FNDC3A: variants seen among roughly 807,000 people sequenced by gnomAD.
The protein encoded by FNDC3A is fibronectin type-III domain-containing protein 3A.
FNDC3A carries 32 observed loss-of-function variants against 148.9 expected under a neutral mutation model. The ratio of observed to expected loss-of-function variants is 0.21; its 90% confidence interval spans 0.16 to 0.29. The LOEUF (loss-of-function observed/expected upper bound fraction) is 0.29. FNDC3A is among the 10% of genes least tolerant of loss of function. The probability of loss-of-function intolerance (pLI) is 1.00; values close to 1 mark genes in which losing one functional copy is unlikely to be tolerated. For synonymous variants in FNDC3A, 472 were observed against 473.6 expected, an observed-to-expected ratio of 1.00 and a Z score of 0.04; for missense variants, 1,191 against 1,452.8, an observed-to-expected ratio of 0.82 and a Z score of 2.93.
chr13:49,160,431 G>A (rs1884024351), intron 8 of FNDC3A, among the ~76,000 whole-genome samples: 1 of 152,086 alleles, frequency 6.6e-6, no homozygotes, highest in Non-Finnish European at 1.5e-5. Context: ...ATTCTCTGAT[G>A]GTAGTTTGTA....
intron 14 of FNDC3A, among the ~76,000 whole-genome samples, chr13:49,183,974 G>A (rs1175472469): frequency 2.6e-5 from 4 of 152,242 alleles, no homozygotes; most frequent in Non-Finnish European, 5.9e-5. Context: ...GATGAGGGGA[G>A]TGGACAATAA....
chr13:49,153,872 A>C (rs1347661337), intron 8 of FNDC3A, among the ~76,000 whole-genome samples: 1 of 118,914 alleles, frequency 8.4e-6, no homozygotes, highest in Non-Finnish European at 1.7e-5. Flanking sequence ...TGTTCCATTG[A>C]TCTATATCTC....
chr13:49,095,833 T>C (rs552079421), intron 3 of FNDC3A, among the ~76,000 whole-genome samples: 4 of 152,200 alleles, frequency 2.6e-5, no homozygotes, highest in East Asian at 1.9e-4. Flanking sequence ...AGAATACTTA[T>C]ATAACGTTAT....
chr13:49,132,239 T>C (rs1264979394), intron 5 of FNDC3A, among the ~76,000 whole-genome samples: 2 of 152,232 alleles, frequency 1.3e-5, no homozygotes, highest in East Asian at 3.8e-4. Context: ...GGCCTTCCAG[T>C]TGGTTTTGTT....
intron 3 of FNDC3A, among the ~76,000 whole-genome samples, chr13:49,093,115 G>T (rs1163898907): frequency 6.6e-6 from 1 of 152,120 alleles, no homozygotes; most frequent in Non-Finnish European, 1.5e-5. Flanking sequence ...ACATACAGTT[G>T]TGTAGGCCCA....
intron 19 of FNDC3A, 22 bp downstream of exon 19, chr13:49,191,406 A>C (rs750978445): frequency 6.5e-7 from 1 of 1,529,746 alleles, no homozygotes; most frequent in Admixed American, 2.2e-5. Flanking sequence ...GTGCTGGTAG[A>C]ATTATAATCA....
At chr13:49,022,727 T>G (rs921662739) in intron 2 of FNDC3A, among the ~76,000 whole-genome samples, 1 of 152,174 alleles carries the variant, frequency 6.6e-6, no homozygotes, top group Non-Finnish European at 1.5e-5. Context: ...AGTGGTTTGC[T>G]AAATTTCTCA....
intron 6 of FNDC3A, 80 bp downstream of exon 6, chr13:49,136,681 C>A: frequency 7.2e-7 from 1 of 1,394,780 alleles, no homozygotes; most frequent in Non-Finnish European, 9.9e-7. Flanking sequence ...TCTAACCTTT[C>A]AGTCATTTTG....
rs562906285 is a variant in FNDC3A, at chr13:49,120,451, G to A, written c.252+5720G>A. Reference sequence around the variant, plus strand: ...CATCAACTAATGGGCAAAATAACCAGCTAGCATCATAATGACAGGATCGAA... The same window carrying A: ...CATCAACTAATGGGCAAAATAACCAACTAGCATCATAATGACAGGATCGAA... On this transcript the variant is annotated intron_variant, in intron 4 of 25. Coordinates refer to ENST00000492622, the MANE Select transcript of FNDC3A (RefSeq NM_001079673.2). Among the ~76,000 whole-genome samples, 76 of 152,212 alleles carry A rather than the reference G, an allele frequency of 5.0e-4. No homozygotes were observed. In the East Asian group the frequency reaches 0.014, roughly 28 times the overall value.
chr13:49,086,753 T>G (rs1878841643), intron 3 of FNDC3A, among the ~76,000 whole-genome samples: 1 of 152,222 alleles, frequency 6.6e-6, no homozygotes, highest in East Asian at 1.9e-4. Context: ...GGTAACTATT[T>G]TTCATACTGG....
intron 6 of FNDC3A, among the ~76,000 whole-genome samples, chr13:49,136,851 G>A (rs1033074676): frequency 1.3e-5 from 2 of 151,834 alleles, no homozygotes; most frequent in South Asian, 2.1e-4. Context: ...GATTCTGGGC[G>A]TTTGATAAGG....
chr13:49,077,512 T>C (rs1269042810), intron 3 of FNDC3A, among the ~76,000 whole-genome samples: 2 of 152,204 alleles, frequency 1.3e-5, no homozygotes, highest in Non-Finnish European at 2.9e-5. Context: ...GCTCAGTAAT[T>C]AAAATTAAAA....
At chr13:49,150,123 G>C (rs1343123595) in intron 8 of FNDC3A, among the ~76,000 whole-genome samples, 1 of 151,942 alleles carries the variant, frequency 6.6e-6, no homozygotes, top group Non-Finnish European at 1.5e-5. Context: ...ATTTGTTTTA[G>C]AGATGGCATC....
chr13:49,017,554 A>C (rs1330216242), intron 2 of FNDC3A, among the ~76,000 whole-genome samples: 2 of 152,134 alleles, frequency 1.3e-5, no homozygotes, highest in African/African-American at 4.8e-5. Flanking sequence ...ACTTTTTATC[A>C]AATTTGCCAG....
At chr13:49,194,204 A>G (rs1886037462) in intron 19 of FNDC3A, among the ~76,000 whole-genome samples, 1 of 151,984 alleles carries the variant, frequency 6.6e-6, no homozygotes, top group African/African-American at 2.4e-5. Flanking sequence ...TGGAGGTTGC[A>G]GTGAGCTGAG....
intron 2 of FNDC3A, among the ~76,000 whole-genome samples, chr13:49,016,661 T>G (rs1247687704): frequency 1.3e-5 from 2 of 152,170 alleles, no homozygotes; most frequent in African/African-American, 4.8e-5. Flanking sequence ...ATGTGTTTGC[T>G]CTTGCTTTTC....
intron 23 of FNDC3A, among the ~76,000 whole-genome samples, chr13:49,200,360 T>C (rs555179519): frequency 1.6e-4 from 24 of 152,312 alleles, no homozygotes; most frequent in African/African-American, 5.8e-4. Flanking sequence ...CGTGATCATT[T>C]CCTAAAATCT....
At chr13:49,197,158 T>G (rs542267994) in intron 20 of FNDC3A, among the ~76,000 whole-genome samples, 168 bp downstream of exon 20, 66 of 152,350 alleles carry the variant, frequency 4.3e-4, no homozygotes, top group African/African-American at 1.4e-3. Flanking sequence ...AGAATTTGAG[T>G]AAGGTATATT....
chr13:48,991,717 G>A (rs1328665369), intron 1 of FNDC3A, among the ~76,000 whole-genome samples: 1 of 151,300 alleles, frequency 6.6e-6, no homozygotes, highest in Non-Finnish European at 1.5e-5. Flanking sequence ...AAAAAAAAGA[G>A]AGAGAATGTT....
Sources: gnomAD v4.1 joint callset for allele counts (sites outside exome capture counted in the v4.1 genomes callset) on GRCh38, gnomAD v4.1.1 for gene constraint, MANE v1.5 for transcripts, NCBI Gene and HGNC (gene_info 2026-07-23, HGNC 2026-07-21) for gene names.